FRAS1: variants seen among roughly 807,000 people sequenced by gnomAD.
FRAS1 encodes Fraser extracellular matrix complex subunit 1.
FRAS1 carries 290 observed loss-of-function variants against 435.2 expected under a neutral mutation model. The ratio of observed to expected loss-of-function variants is 0.67; its 90% CI spans 0.61 to 0.73. The LOEUF is 0.73. FRAS1 is among the 30% of genes least tolerant of loss of function. The pLI, the probability that FRAS1 is intolerant of heterozygous loss-of-function variation, is 0.00. For missense variants in FRAS1, 4,860 were observed against 5,001.5 expected (o/e 0.97, Z 0.85); for synonymous variants, 1,800 against 1,851.0 (o/e 0.97, Z 0.71).
chr4:78,147,533 G>A (rs1042804353), intron 2 of FRAS1, among the ~76,000 whole-genome samples: 5 of 152,104 alleles, frequency 3.3e-5, no homozygotes, highest in Non-Finnish European at 4.4e-5. Context: ...AGTGACACAC[G>A]TAAAAGGCCT....
At chr4:78,433,778 A>T (rs1734306349) in intron 38 of FRAS1, among the ~76,000 whole-genome samples, 2 of 152,252 alleles carry the variant, frequency 1.3e-5, no homozygotes, top group African/African-American at 4.8e-5. Flanking sequence ...TTCAGATTTA[A>T]TCAGACGATC....
At chr4:78,482,167 A>G (rs1018629931) in intron 57 of FRAS1, among the ~76,000 whole-genome samples, 4 of 152,226 alleles carry the variant, frequency 2.6e-5, no homozygotes, top group African/African-American at 4.8e-5. Context: ...AGCATCAAAT[A>G]TCCAGCCTTA....
intron 2 of FRAS1, among the ~76,000 whole-genome samples, chr4:78,203,267 C>G (rs1223386401): frequency 6.6e-6 from 1 of 152,132 alleles, no homozygotes; most frequent in Non-Finnish European, 1.5e-5. Context: ...TCTGGGAGCC[C>G]TCTCAATGAA....
Position 78,432,506 on chromosome 4 carries a change from G to A in FRAS1, c.5119G>A (p.Glu1707Lys). The change falls in exon 38 of 74, where the codon GAA (glutamate) becomes AAA (lysine). Residue 1707 changes from glutamate (E) to lysine (K), a missense_variant. By Grantham distance (56) the Glu-to-Lys change is moderately conservative. Coordinates refer to ENST00000512123, the MANE Select transcript of FRAS1 (RefSeq NM_025074.7). Reference protein sequence around the residue: ...LEVRVEVSLSEDRGPRLAAGS... With the variant: ...LEVRVEVSLSKDRGPRLAAGS... ...GGTGAGAGTAGAGGTGTCCCTGTCA[G>A]AAGACCGAGGGCCTCGACTGGCTGC... is the stretch of plus-strand genomic sequence containing the variant. The A allele has an allele frequency of 6.2e-7, 1 of 1,613,148 alleles. No individual in the cohort carries two copies. The highest frequency in any genetic ancestry group is 8.5e-7 in the Non-Finnish European group (1 of 1,179,540).
At chr4:78,470,182 G>C in intron 51 of FRAS1, 91 bp downstream of exon 51, 1 of 775,706 alleles carries the variant, frequency 1.3e-6, no homozygotes, top group Non-Finnish European at 2.1e-6. Flanking sequence ...GTCCAGTTCA[G>C]CTCACCTGTT....
Position 78,466,752 on chromosome 4 carries a change from A to G in FRAS1, c.7257+317A>G, listed in dbSNP as rs543458457. On this transcript the variant is annotated intron_variant, in intron 50 of 73. Transcript: ENST00000512123. ...TGTTATTTCTTTTTTCTTTTTGCCC[A>G]TCCTTTACTCCTTAATTTTTCTTTC... Among the ~76,000 whole-genome samples the G allele has an allele frequency of 2.6e-5, 4 of 152,202 alleles. No homozygotes were observed. In the South Asian group the frequency reaches 8.3e-4, roughly 32 times the overall value.
intron 18 of FRAS1, among the ~76,000 whole-genome samples, chr4:78,322,035 G>A (rs1729531689): frequency 6.6e-6 from 1 of 152,116 alleles, no homozygotes; most frequent in African/African-American, 2.4e-5. Flanking sequence ...GTCTCACTAG[G>A]TAGGTTGTTG....
intron 8 of FRAS1, 109 bp from the exon 9 acceptor site, chr4:78,267,132 G>C: frequency 8.5e-7 from 1 of 1,176,014 alleles, no homozygotes; most frequent in Non-Finnish European, 1.2e-6. Context: ...GGTCGGGCCA[G>C]AGAAAGAGCC....
At chr4:78,230,985 C>T (rs1724494678) in intron 2 of FRAS1, among the ~76,000 whole-genome samples, 1 of 152,116 alleles carries the variant, frequency 6.6e-6, no homozygotes, top group Non-Finnish European at 1.5e-5. Flanking sequence ...GACGGAGTCT[C>T]ACACTGTTGC....
chr4:78,378,027 A>AT (rs1731849044), intron 26 of FRAS1, among the ~76,000 whole-genome samples: 1 of 151,964 alleles, frequency 6.6e-6, no homozygotes, highest in South Asian at 2.1e-4. Flanking sequence ...TTTCCAAAAC[A>AT]TTTTCATCAC....
intron 6 of FRAS1, among the ~76,000 whole-genome samples, chr4:78,256,505 G>A (rs1188980005): frequency 1.3e-5 from 2 of 152,128 alleles, no homozygotes; most frequent in Non-Finnish European, 2.9e-5. Flanking sequence ...AAGGGAGGTG[G>A]GAAGGAGGAA....
intron 61 of FRAS1, among the ~76,000 whole-genome samples, chr4:78,500,249 T>C (rs999889785): frequency 3.3e-5 from 5 of 152,208 alleles, no homozygotes; most frequent in Non-Finnish European, 7.3e-5. Flanking sequence ...TCAACAAATA[T>C]TGCTGAAAAG....
intron 2 of FRAS1, among the ~76,000 whole-genome samples, chr4:78,088,189 A>C (rs1464684986): frequency 6.6e-6 from 1 of 152,210 alleles, no homozygotes; most frequent in East Asian, 1.9e-4. Context: ...AGGATTCCCT[A>C]TTTAGTAAAT....
intron 2 of FRAS1, among the ~76,000 whole-genome samples, chr4:78,208,326 T>C (rs1326882044): frequency 6.6e-6 from 1 of 152,102 alleles, no homozygotes; most frequent in Non-Finnish European, 1.5e-5. Flanking sequence ...CCCTCTGACA[T>C]AGCCAACCCA....
chr4:78,307,106 C>T (rs936887285), intron 14 of FRAS1, among the ~76,000 whole-genome samples: 1 of 152,128 alleles, frequency 6.6e-6, no homozygotes, highest in Non-Finnish European at 1.5e-5. Flanking sequence ...AGCTTCAGGT[C>T]TGTTGGAGTA....
chr4:78,252,370 T>A lies in FRAS1; in HGVS notation c.310-22T>A, dbSNP rs369640812. On this transcript the variant is annotated intron_variant, in intron 4 of 73. Transcript: ENST00000512123. The stretch of plus-strand genomic sequence containing the variant: ...GTGTTTTGGCACTAACCTTTTTTTT[T>A]TTCTGTCTCCCTAACACACAGCATG... 217 of 1,601,606 alleles carry A rather than the reference T, an allele frequency of 1.4e-4. 1 individual carries two copies. The African/African-American group carries it at 2.5e-3, about 19-fold the overall frequency.
intron 70 of FRAS1, among the ~76,000 whole-genome samples, chr4:78,530,890 G>A (rs1721690710): frequency 6.6e-6 from 1 of 152,164 alleles, no homozygotes; most frequent in African/African-American, 2.4e-5. Flanking sequence ...TCCGTTTGTA[G>A]CTTGATGGGA....
rs878949073 is a variant in FRAS1 at position 78,374,028 on chromosome 4, A to T, written c.3011-83A>T. 8.1e-6 allele frequency: 11 copies of T among 1,357,640 alleles called. No homozygotes were observed. The South Asian group carries it at 1.5e-4, about 18-fold the overall frequency. The allele number at this position is 1,357,640 out of a possible 1,614,324, so 84.1% of individuals were successfully genotyped here. ...GTACACTAGGCTGTACTGCTGCTGG[A>T]CATCTCATGCTGCCTTTCCACAAAG... On this transcript the variant is annotated intron_variant, in intron 24 of 73. Transcript: ENST00000512123.
chr4:78,065,481 A>C lies in FRAS1; in HGVS notation c.77-504A>C, dbSNP rs184565716. ...TAATCTGGTGGGCAGAAGTTTCACA[A>C]AGGAGATGGGATCAAGTTCAAAGAG... On this transcript the variant is annotated intron_variant, in intron 1 of 73. Transcript: ENST00000512123. Among the ~76,000 whole-genome samples, 430 of 152,160 alleles carry C rather than the reference A, an allele frequency of 2.8e-3. 5 individuals are homozygous for C. The highest frequency in any genetic ancestry group is 9.6e-3 in the African/African-American group (400 of 41,516).
Sources: gnomAD v4.1 joint callset for allele counts (sites outside exome capture counted in the v4.1 genomes callset) on GRCh38, gnomAD v4.1.1 for gene constraint, MANE v1.5 for transcripts, NCBI Gene and HGNC (gene_info 2026-07-23, HGNC 2026-07-21) for gene names.